Variants in TMEM254 observed in about 807,000 individuals in gnomAD.
TMEM254 encodes transmembrane protein 254, also known as transmembrane protein C10orf57.
In TMEM254, 16 loss-of-function variants were observed where a neutral mutation model predicts 13.9. The ratio of observed to expected loss-of-function variants is 1.15; its 90% confidence interval spans 0.78 to 1.75. TMEM254 has a LOEUF of 1.75. TMEM254 is among the 40% of genes most tolerant of loss of function. The probability of loss-of-function intolerance (pLI) is 0.00; values close to 1 mark genes in which losing one functional copy is unlikely to be tolerated. For synonymous variants in TMEM254, 61 were observed against 56.4 expected, an observed-to-expected ratio of 1.08 and a Z score of -0.36; for missense variants, 155 against 149.0, an observed-to-expected ratio of 1.04 and a Z score of -0.21.
At chr10:80,079,386 G>C in intron 1 of TMEM254, 2 of 1,124,244 alleles carry the variant, frequency 1.8e-6, no homozygotes, top group Non-Finnish European at 2.2e-6. Context: ...CCTCTGCATG[G>C]TTACTAACGG....
Position 80,091,059 on chromosome 10 carries a change from G to A in TMEM254, c.*142G>A. ...AAAGCTCTTTAAGACCCCCTCGTTA[G>A]TCAGTTTTTTCTCTTATATGCTCTG... is the stretch of plus-strand genomic sequence containing the variant. On this transcript the variant is annotated 3_prime_UTR_variant, in exon 4 of 4. Transcript: ENST00000372281. 2 of 1,095,300 alleles carry A rather than the reference G, an allele frequency of 1.8e-6. No homozygotes were observed. Among genetic ancestry groups the A allele is most frequent in the African/African-American group, 1.6e-5 (1 of 62,754 alleles). 67.8% of individuals were successfully genotyped at this position (1,095,300 alleles called of 1,614,324 possible). A position where few individuals can be genotyped will look rare whatever the true frequency, so the allele number is the denominator to read the frequency against.
At chr10:80,090,368 C>G in intron 3 of TMEM254, 1 of 717,400 alleles carries the variant, frequency 1.4e-6, no homozygotes, top group Non-Finnish European at 2.6e-6. Context: ...TACTGCTGTT[C>G]CTGTTTTTCA....
chr10:80,081,502 A>G, intron 1 of TMEM254: 1 of 612,800 alleles, frequency 1.6e-6, no homozygotes, highest in South Asian at 2.0e-5. Flanking sequence ...CCCCATCTCT[A>G]TATACAATTT....
chr10:80,083,373 T>C (rs372954233), intron 3 of TMEM254, among the ~76,000 whole-genome samples: 2 of 152,178 alleles, frequency 1.3e-5, no homozygotes, highest in East Asian at 3.9e-4. Flanking sequence ...CCCAAAGTGC[T>C]GGGATTATAG....
rs186575140 is a variant in TMEM254, at chr10:80,085,242, G to A, written c.251+3038G>A. ...GTTAGAATGTATCATTAGTCACTAT[G>A]AATCAGAATAAATATTCCTTTTGAA... On this transcript the variant is annotated intron_variant, in intron 3 of 3. Coordinates refer to ENST00000372281, the MANE Select transcript of TMEM254 (RefSeq NM_025125.4). Among the ~76,000 whole-genome samples the A allele has an allele frequency of 4.8e-3, 736 of 152,228 alleles. 9 individuals carry two copies. The highest frequency in any genetic ancestry group is 0.017 in the African/African-American group (697 of 41,538).
At chr10:80,083,210 G>A (rs1844137868) in intron 3 of TMEM254, among the ~76,000 whole-genome samples, 1 of 146,864 alleles carries the variant, frequency 6.8e-6, no homozygotes. Flanking sequence ...GGGTTAAAAC[G>A]ATTCTGCCTC....
chr10:80,087,478 A>G (rs1468733620), intron 3 of TMEM254, among the ~76,000 whole-genome samples: 1 of 136,908 alleles, frequency 7.3e-6, no homozygotes, highest in Non-Finnish European at 1.6e-5. Flanking sequence ...CCCTGTCTCC[A>G]CTAAAAATAC....
rs1844354346 is a variant in TMEM254, at chr10:80,087,120, T to A, written c.252-3677T>A. On this transcript the variant is annotated intron_variant, in intron 3 of 3. Coordinates refer to ENST00000372281, the MANE Select transcript of TMEM254 (RefSeq NM_025125.4). ...GGGCTAACATATCCCTATTTGTCTATGTCTATACATATAAACTTACCCATC... is the reference window on the plus strand; with the variant it reads ...GGGCTAACATATCCCTATTTGTCTAAGTCTATACATATAAACTTACCCATC... Among the ~76,000 whole-genome samples, 3 of 152,160 alleles carry A rather than the reference T, an allele frequency of 2.0e-5. No homozygotes were observed. In the South Asian group the frequency reaches 6.2e-4, roughly 32 times the overall value.
intron 3 of TMEM254, among the ~76,000 whole-genome samples, chr10:80,083,775 A>G (rs538061848): frequency 5.3e-5 from 8 of 152,252 alleles, no homozygotes; most frequent in Non-Finnish European, 7.4e-5. Context: ...AACAAGGCTC[A>G]GCCTTAAATA....
chr10:80,083,787 CT>C (rs1389919721), intron 3 of TMEM254, among the ~76,000 whole-genome samples: 1 of 151,984 alleles, frequency 6.6e-6, no homozygotes, highest in African/African-American at 2.4e-5. Flanking sequence ...CCTTAAATAG[CT>C]GCTGCTGGCC....
rs557363346 is a variant in TMEM254 at position 80,081,860 on chromosome 10, A to G, written c.107A>G (p.Gln36Arg). Residue 36 changes from glutamine (Q) to arginine (R), a missense_variant, in exon 2 of 4, where the codon CAG becomes CGG. Gln to Arg is a conservative substitution (Grantham distance 43, BLOSUM62 1). Transcript: ENST00000372281. ...TTTCAGTGGGTTGTCTTCTGGCCTC[A>G]GAGTATCCCTTATCAGAACCTTGGG... Reference protein sequence around the residue: ...GYYTWVVFWPQSIPYQNLGPL... With the variant: ...GYYTWVVFWPRSIPYQNLGPL... The G allele has an allele frequency of 1.2e-6, 2 of 1,614,102 alleles. No homozygotes were observed. Among genetic ancestry groups the G allele is most frequent in the Admixed American group, 1.7e-5 (1 of 59,998 alleles).
At chr10:80,089,534 G>T (rs990862932) in intron 3 of TMEM254, among the ~76,000 whole-genome samples, 1 of 152,062 alleles carries the variant, frequency 6.6e-6, no homozygotes, top group Non-Finnish European at 1.5e-5. Flanking sequence ...ACCTAGCCAG[G>T]CATGGTGGTG....
At chr10:80,090,506 A>T (rs999066962) in intron 3 of TMEM254, 2 of 710,010 alleles carry the variant, frequency 2.8e-6, no homozygotes, top group African/African-American at 3.5e-5. Context: ...AGTGCTTTTT[A>T]CTCCATCCGC....
chr10:80,079,796 T>C, intron 1 of TMEM254: 1 of 641,922 alleles, frequency 1.6e-6, no homozygotes, highest in Non-Finnish European at 1.9e-6. Context: ...CACTGCAACC[T>C]CTGCTTCCCA....
At chr10:80,084,426 T>A (rs1844210363) in intron 3 of TMEM254, among the ~76,000 whole-genome samples, 1 of 152,208 alleles carries the variant, frequency 6.6e-6, no homozygotes, top group Non-Finnish European at 1.5e-5. Context: ...AGGATCTGTA[T>A]GGCTCACAGT....
chr10:80,081,723 A>G (rs761580194), intron 1 of TMEM254, 118 bp from the exon 2 acceptor site: 36 of 1,608,964 alleles, frequency 2.2e-5, no homozygotes, highest in Admixed American at 2.0e-4. Context: ...ATGACTGTTC[A>G]GAGTTTCTTC....
At chr10:80,088,152 C>T (rs889082501) in intron 3 of TMEM254, among the ~76,000 whole-genome samples, 1 of 152,048 alleles carries the variant, frequency 6.6e-6, no homozygotes, top group Non-Finnish European at 1.5e-5. Context: ...TTATATCATA[C>T]ATACTGATAT....
chr10:80,082,585 G>A (rs1185896381), intron 3 of TMEM254, among the ~76,000 whole-genome samples: 1 of 152,128 alleles, frequency 6.6e-6, no homozygotes, highest in Admixed American at 6.5e-5. Context: ...TGAGCCACCT[G>A]AGGAGCTTTT....
At chr10:80,086,282 G>T (rs1844309848) in intron 3 of TMEM254, 2 of 1,464,366 alleles carry the variant, frequency 1.4e-6, no homozygotes, top group African/African-American at 1.5e-5. Flanking sequence ...AACAAGTTAT[G>T]ATGACCCCAG....
Sources: allele counts gnomAD v4.1 joint callset (sites outside exome capture counted in the v4.1 genomes callset), GRCh38; gene constraint gnomAD v4.1.1; transcripts MANE v1.5; gene names NCBI Gene and HGNC (gene_info 2026-07-23, HGNC 2026-07-21).